Variants in LCOR observed in about 807,000 individuals in gnomAD.
LCOR encodes ligand dependent nuclear receptor corepressor, also known as ligand-dependent corepressor.
In LCOR, 14 loss-of-function variants were observed where a neutral mutation model predicts 64.4. That is an observed-to-expected ratio of 0.22 (90% CI 0.14 to 0.34). LCOR has a LOEUF of 0.34. Among genes scored for constraint, LCOR ranks in the 10% least tolerant of loss-of-function variants. The pLI is 1.00. For missense variants in LCOR, 1,686 were observed against 1,765.3 expected (o/e 0.96, Z 0.80); for synonymous variants, 643 against 642.5 (o/e 1.00, Z -0.01).
At chr10:96,915,703 A>G in intron 4 of LCOR, 1 of 721,796 alleles carries the variant, frequency 1.4e-6, no homozygotes. Context: ...CTACAGGGTT[A>G]TTCACCTCCT....
At chr10:96,843,918 A>G (rs566919405) in intron 2 of LCOR, among the ~76,000 whole-genome samples, 1 of 152,220 alleles carries the variant, frequency 6.6e-6, no homozygotes, top group African/African-American at 2.4e-5. Flanking sequence ...CCATATGTTG[A>G]GCATTTACTG....
At chr10:96,971,627 A>AG (rs1161113016) in intron 7 of LCOR, among the ~76,000 whole-genome samples, 1 of 152,186 alleles carries the variant, frequency 6.6e-6, no homozygotes, top group Non-Finnish European at 1.5e-5. Context: ...AGCAGTGGGG[A>AG]GCTTATAGGG....
chr10:96,950,594 C>T (rs995395145), intron 6 of LCOR, among the ~76,000 whole-genome samples: 1 of 151,964 alleles, frequency 6.6e-6, no homozygotes, highest in South Asian at 2.1e-4. Context: ...CTTGTTATAA[C>T]TAATGTTACA....
chr10:96,961,847 G>A (rs944182160), intron 7 of LCOR: 15 of 151,620 alleles, frequency 9.9e-5, no homozygotes, highest in South Asian at 2.1e-4. Flanking sequence ...TGGTGTACCC[G>A]GTGCTACACT....
At chr10:96,884,933 A>C (rs1281707247) in intron 2 of LCOR, among the ~76,000 whole-genome samples, 8 of 152,116 alleles carry the variant, frequency 5.3e-5, no homozygotes, top group Admixed American at 5.2e-4. Context: ...CTACCTTTTC[A>C]GCTTAGCTTG....
At chr10:96,968,700 C>T (rs1243524377) in intron 7 of LCOR, among the ~76,000 whole-genome samples, 2 of 151,882 alleles carry the variant, frequency 1.3e-5, no homozygotes, top group Non-Finnish European at 2.9e-5. Context: ...TTTGGGAGGC[C>T]GAAATGAGAT....
intron 2 of LCOR, among the ~76,000 whole-genome samples, chr10:96,845,873 T>G (rs1436971422): frequency 6.6e-6 from 1 of 152,054 alleles, no homozygotes; most frequent in Non-Finnish European, 1.5e-5. Context: ...CACTGGTCAT[T>G]TTTCTATGAA....
At chr10:96,855,593 C>T (rs1047414245) in intron 2 of LCOR, among the ~76,000 whole-genome samples, 3 of 151,836 alleles carry the variant, frequency 2.0e-5, no homozygotes, top group African/African-American at 7.3e-5. Flanking sequence ...CACCACCATA[C>T]TTGGCTAATG....
chr10:96,881,539 C>T (rs544437042), intron 2 of LCOR, among the ~76,000 whole-genome samples: 35 of 152,024 alleles, frequency 2.3e-4, no homozygotes, highest in Non-Finnish European at 4.4e-4. Flanking sequence ...TCACTGCAAC[C>T]TCTGCCTCCT....
Position 96,991,390 on chromosome 10 carries a change from G to A in LCOR, c.*6256G>A, listed in dbSNP as rs1434524633. 1.3e-5 allele frequency: 2 copies of A among 152,154 alleles called. No homozygotes were observed. Among genetic ancestry groups the A allele is most frequent in the Admixed American group, 1.3e-4 (2 of 15,274 alleles). The allele number at this position is 152,154 out of a possible 1,614,324, so 9.4% of individuals were successfully genotyped here. A position where few individuals can be genotyped will look rare whatever the true frequency, so the allele number is the denominator to read the frequency against. On this transcript the variant is annotated 3_prime_UTR_variant, in exon 8 of 8. Transcript: ENST00000421806. ...GTATGTAGTGAAAACTAAAAGTGCA[G>A]TCTTTAAAAGTACAGTCTTCATTTT...
At position 96,953,164 on chromosome 10, in the gene LCOR, G is replaced by A. The variant is rs758071834; in HGVS notation, c.332+968G>A. Among the ~76,000 whole-genome samples, 7 of 151,846 alleles carry A rather than the reference G, an allele frequency of 4.6e-5. No homozygotes were observed. In the South Asian group the frequency reaches 1.0e-3, roughly 23 times the overall value. On this transcript the variant is annotated intron_variant, in intron 7 of 7. Transcript: ENST00000421806. ...AAAGTATTAATTTAATCCATTATGC[G>A]TACTAATCTTTTTCTTAACCCCTTC...
At chr10:96,979,846 A>G (rs147056705) in intron 7 of LCOR, among the ~76,000 whole-genome samples, 3 of 152,312 alleles carry the variant, frequency 2.0e-5, no homozygotes, top group African/African-American at 7.2e-5. Context: ...AACTATCTTA[A>G]AACTGTTAAG....
chr10:96,867,860 A>C (rs1846000181), intron 2 of LCOR, among the ~76,000 whole-genome samples: 1 of 152,078 alleles, frequency 6.6e-6, no homozygotes, highest in South Asian at 2.1e-4. Context: ...TGGAATTTTA[A>C]CAACGATGAT....
intron 2 of LCOR, among the ~76,000 whole-genome samples, chr10:96,845,339 G>A (rs200356173): frequency 2.0e-5 from 3 of 146,536 alleles, no homozygotes; most frequent in African/African-American, 7.6e-5. Context: ...TGGCTCTTTT[G>A]TTGCACCATG....
At chr10:96,898,624 CTGGG>C (rs1846582076) in intron 2 of LCOR, among the ~76,000 whole-genome samples, 1 of 152,072 alleles carries the variant, frequency 6.6e-6, no homozygotes, top group Admixed American at 6.6e-5. Flanking sequence ...TGAAAAGAGC[CTGGG>C]CTTTAGAATC....
intron 2 of LCOR, among the ~76,000 whole-genome samples, chr10:96,886,763 A>C (rs1846351048): frequency 6.6e-6 from 1 of 152,236 alleles, no homozygotes; most frequent in Non-Finnish European, 1.5e-5. Context: ...AGCACTTGGA[A>C]TAATTAGACT....
chr10:96,859,376 A>AT (rs1845852359), intron 2 of LCOR, among the ~76,000 whole-genome samples: 2 of 151,948 alleles, frequency 1.3e-5, no homozygotes, highest in South Asian at 2.1e-4. Flanking sequence ...CATCTGGCTA[A>AT]TTTTTTTGTA....
At chr10:96,968,831 G>A (rs1446852930) in intron 7 of LCOR, among the ~76,000 whole-genome samples, 1 of 151,994 alleles carries the variant, frequency 6.6e-6, no homozygotes, top group Non-Finnish European at 1.5e-5. Context: ...GCTCTACTTG[G>A]TGGTGAGGTG....
intron 2 of LCOR, among the ~76,000 whole-genome samples, chr10:96,855,464 C>T (rs985969126): frequency 1.3e-5 from 2 of 151,670 alleles, no homozygotes; most frequent in Admixed American, 6.6e-5. Context: ...GATGGAGTTT[C>T]GCTCTTGTTG....
Sources: allele counts gnomAD v4.1 joint callset (sites outside exome capture counted in the v4.1 genomes callset), GRCh38; gene constraint gnomAD v4.1.1; transcripts MANE v1.5; gene names NCBI Gene and HGNC (gene_info 2026-07-23, HGNC 2026-07-21).